WDR27: variants seen among roughly 807,000 people sequenced by gnomAD.
WDR27 encodes WD repeat-containing protein 27.
Under a neutral mutation model 114.4 loss-of-function variants are expected in WDR27, and 100 were observed. That is an observed-to-expected ratio of 0.87 (90% CI 0.74 to 1.03). WDR27 has a LOEUF of 1.03. WDR27 is among the 50% of genes least tolerant of loss of function. The pLI is 0.00. For missense variants in WDR27, 1,129 were observed against 1,092.9 expected (o/e 1.03, Z -0.47); for synonymous variants, 449 against 423.1 (o/e 1.06, Z -0.75).
chr6:169,646,218 T>C (rs1820714143), intron 16 of WDR27, among the ~76,000 whole-genome samples: 1 of 152,196 alleles, frequency 6.6e-6, no homozygotes, highest in Non-Finnish European at 1.5e-5. Context: ...TTTGTCATCC[T>C]CGCCATCCTC....
Position 169,638,193 on chromosome 6 carries a change from G to A in WDR27, c.1869+346C>T, listed in dbSNP as rs1047408285. 3.0e-4 allele frequency among the ~76,000 whole-genome samples: 36 copies of A among 121,514 alleles called. 3 individuals are homozygous for A. Among genetic ancestry groups the A allele is most frequent in the Non-Finnish European group, 5.4e-4 (33 of 60,734 alleles). 79.7% of individuals were successfully genotyped at this position (121,514 alleles called of 152,430 possible). On this transcript the variant is annotated intron_variant, in intron 18 of 25. Transcript: ENST00000448612. ...TAGCCGGGCGCGGTGGCGGGCGCCT[G>A]TAGTCCCAGCTACTCGGGAGGCTGA...
intron 23 of WDR27, among the ~76,000 whole-genome samples, chr6:169,601,093 A>C (rs962791355): frequency 6.6e-6 from 1 of 152,250 alleles, no homozygotes; most frequent in Non-Finnish European, 1.5e-5. Flanking sequence ...AGGGAAGCCC[A>C]TCAGACTAAC....
intron 3 of WDR27, chr6:169,670,913 T>A (rs1392206682): frequency 3.7e-6 from 2 of 534,444 alleles, no homozygotes; most frequent in Non-Finnish European, 6.4e-6. Context: ...AGAGACTCTC[T>A]CAGCATCGAA....
chr6:169,541,405 A>G (rs1168732131), intron 25 of WDR27, among the ~76,000 whole-genome samples: 1 of 152,188 alleles, frequency 6.6e-6, no homozygotes, highest in African/African-American at 2.4e-5. Context: ...ATAATTCTCT[A>G]TGGGGATCAA....
At chr6:169,647,614 G>C (rs774065671) in intron 16 of WDR27, 159 bp downstream of exon 16, 1 of 744,412 alleles carries the variant, frequency 1.3e-6, no homozygotes, top group South Asian at 1.6e-5. Flanking sequence ...ACGCAGTCTC[G>C]GTTTTCATCC....
chr6:169,435,743 AG>A, the WDR27 span, among the ~76,000 whole-genome samples: 1 of 152,246 alleles, frequency 6.6e-6, no homozygotes, highest in Non-Finnish European at 1.5e-5. Flanking sequence ...CATAGGCAGA[AG>A]GGACTTGCCT....
chr6:169,457,297 T>C lies in WDR27; in HGVS notation c.*295A>G, dbSNP rs994208312. 4.6e-5 allele frequency: 13 copies of C among 284,788 alleles called. No homozygotes were observed. Among genetic ancestry groups the C allele is most frequent in the Non-Finnish European group, 7.9e-5 (12 of 152,392 alleles). 17.6% of individuals were successfully genotyped at this position (284,788 alleles called of 1,614,324 possible). A position where few individuals can be genotyped will look rare whatever the true frequency, so the allele number is the denominator to read the frequency against. ...TAATTATCAAACAAATACTATATTA[T>C]GTTTTATTGAAAGATATTTTGTTTT... On this transcript the variant is annotated 3_prime_UTR_variant, in exon 26 of 26. Coordinates refer to ENST00000448612, the MANE Select transcript of WDR27 (RefSeq NM_182552.5).
intron 25 of WDR27, among the ~76,000 whole-genome samples, chr6:169,503,350 A>C (rs1200631382): frequency 6.6e-6 from 1 of 152,252 alleles, no homozygotes; most frequent in African/African-American, 2.4e-5. Context: ...AGGGTATGTA[A>C]TCGTAGGTCC....
At chr6:169,660,077 G>A (rs951260849) in intron 10 of WDR27, among the ~76,000 whole-genome samples, 3 of 151,310 alleles carry the variant, frequency 2.0e-5, no homozygotes, top group African/African-American at 7.3e-5. Context: ...CTGCAGTGGA[G>A]GAGAGGGACG....
the WDR27 span, among the ~76,000 whole-genome samples, chr6:169,448,556 G>A: frequency 2.0e-5 from 3 of 152,202 alleles, no homozygotes; most frequent in Non-Finnish European, 4.4e-5. Context: ...GCTGTCGGAA[G>A]CCGGTGGCGG....
intron 22 of WDR27, among the ~76,000 whole-genome samples, chr6:169,606,485 C>T (rs1393484362): frequency 6.6e-6 from 1 of 152,052 alleles, no homozygotes; most frequent in Non-Finnish European, 1.5e-5. Flanking sequence ...GCTGACAGGC[C>T]CCAGTGTGTG....
At chr6:169,493,549 T>A (rs1790040943) in intron 25 of WDR27, among the ~76,000 whole-genome samples, 1 of 152,186 alleles carries the variant, frequency 6.6e-6, no homozygotes, top group Admixed American at 6.5e-5. Context: ...CAAACCTGTT[T>A]TTCTCCATTT....
chr6:169,617,263 T>G lies in WDR27; in HGVS notation c.2224-3607A>C, dbSNP rs114588994. On this transcript the variant is annotated intron_variant, in intron 21 of 25. Coordinates refer to ENST00000448612, the MANE Select transcript of WDR27 (RefSeq NM_182552.5). ...GGAAAAGCCGGCATGTGGTGGACTG[T>G]GCCAGATTTTATAGGCAAGCTTGAG... 4.1e-3 allele frequency among the ~76,000 whole-genome samples: 623 copies of G among 152,314 alleles called. 5 individuals are homozygous for G. The highest frequency in any genetic ancestry group is 0.014 in the African/African-American group (593 of 41,560).
chr6:169,657,876 C>T, intron 13 of WDR27: 1 of 165,982 alleles, frequency 6.0e-6, no homozygotes, highest in East Asian at 1.5e-4. Flanking sequence ...TCCAGAAATG[C>T]ACACTCAAGT....
At chr6:169,452,344 C>T (rs769923944), downstream of WDR27, among the ~76,000 whole-genome samples, 1 of 152,222 alleles carries the variant, frequency 6.6e-6, no homozygotes, top group Non-Finnish European at 1.5e-5. Context: ...GTGGAAACGT[C>T]CGTGTTTTCT....
At chr6:169,664,401 G>A (rs1033242319) in intron 7 of WDR27, 115 bp from the exon 8 acceptor site, 22 of 1,568,074 alleles carry the variant, frequency 1.4e-5, no homozygotes, top group South Asian at 2.3e-5. Flanking sequence ...GGCCCTCCAC[G>A]GCCTGCAGAG....
intron 22 of WDR27, among the ~76,000 whole-genome samples, chr6:169,603,521 A>G (rs549171110): frequency 6.6e-6 from 1 of 152,362 alleles, no homozygotes; most frequent in South Asian, 2.1e-4. Flanking sequence ...TTCTCTGCAT[A>G]TGCAAAGGTC....
At position 169,697,246 on chromosome 6, in the gene WDR27, T is replaced by C. The variant is rs375979779; in HGVS notation, c.-8+4305A>G. The stretch of plus-strand genomic sequence containing the variant: ...AGAGATAGGAGCTGAGGGGACATAG[T>C]GAGGAGTGACCAGAAGACCAGAGTG... On this transcript the variant is annotated intron_variant, in intron 1 of 25. Coordinates refer to ENST00000448612, the MANE Select transcript of WDR27 (RefSeq NM_182552.5). 1.6e-4 allele frequency among the ~76,000 whole-genome samples: 24 copies of C among 152,082 alleles called. 1 individual carries two copies. Among genetic ancestry groups the C allele is most frequent in the Admixed American group, 1.2e-3 (19 of 15,276 alleles).
intron 2 of WDR27, among the ~76,000 whole-genome samples, chr6:169,683,228 C>T (rs1781988907): frequency 6.6e-6 from 1 of 152,002 alleles, no homozygotes; most frequent in Non-Finnish European, 1.5e-5. Flanking sequence ...TAAGATTCAA[C>T]CCAAATAAAA....
Sources: allele counts gnomAD v4.1 joint callset (sites outside exome capture counted in the v4.1 genomes callset), GRCh38; gene constraint gnomAD v4.1.1; transcripts MANE v1.5; gene names NCBI Gene and HGNC (gene_info 2026-07-23, HGNC 2026-07-21).